The following MTAP variants were observed in gnomAD, a reference collection of about 807,000 sequenced individuals.
MTAP encodes the protein methylthioadenosine phosphorylase.
MTAP carries 33 observed loss-of-function variants against 33.6 expected under a neutral mutation model. That is an observed-to-expected ratio of 0.98 (90% confidence interval 0.74 to 1.31). MTAP has a LOEUF of 1.31. Among genes scored for constraint, MTAP ranks in the 40% most tolerant of loss-of-function variants. MTAP has a pLI of 0.00. For synonymous variants in MTAP, 148 were observed against 125.7 expected (o/e 1.18, Z -1.19); for missense variants, 367 against 360.0 (o/e 1.02, Z -0.16).
At position 21,911,187 on chromosome 9, in the gene MTAP, C is replaced by T. The variant is rs188737494; in HGVS notation, c.148-19821C>T. Among the ~76,000 whole-genome samples the T allele has an allele frequency of 8.3e-3, 1,261 of 152,212 alleles. 8 individuals carry two copies. The highest frequency in any genetic ancestry group is 0.014 in the Non-Finnish European group (978 of 68,020). On this transcript the variant is annotated intron_variant, in intron 1 of 1. Coordinates refer to the MTAP transcript ENST00000577563. ...ACTCCCACACAGTAATAATGGGAGA[C>T]TTTAACACCCCACTATCAACATTAG...
chr9:21,820,357 A>C (rs1415981731), intron 4 of MTAP, among the ~76,000 whole-genome samples: 1 of 152,218 alleles, frequency 6.6e-6, no homozygotes, highest in Non-Finnish European at 1.5e-5. Flanking sequence ...AGCTTTCTAC[A>C]CATGGCTAGC....
At chr9:21,894,997 A>G (rs1818265827) in intron 1 of MTAP, among the ~76,000 whole-genome samples, 1 of 152,214 alleles carries the variant, frequency 6.6e-6, no homozygotes. Flanking sequence ...CACAAGGAGA[A>G]TTACAAAACA....
chr9:21,803,298 T>G, intron 1 of MTAP: 1 of 216,462 alleles, frequency 4.6e-6, no homozygotes. Flanking sequence ...AACTGCTTAC[T>G]TGCTCTTTTG....
At chr9:21,870,245 T>G (rs1244919131), downstream of MTAP, among the ~76,000 whole-genome samples, 1 of 152,258 alleles carries the variant, frequency 6.6e-6, no homozygotes, top group Non-Finnish European at 1.5e-5. Flanking sequence ...CTTTTTTGTT[T>G]TTCCCATAGC....
intron 1 of MTAP, among the ~76,000 whole-genome samples, chr9:21,879,487 A>G (rs1394233212): frequency 6.6e-6 from 1 of 151,896 alleles, no homozygotes; most frequent in Non-Finnish European, 1.5e-5. Context: ...ATGCCACTGA[A>G]TCTTGTTTTT....
chr9:21,886,260 G>A (rs1818109515), intron 1 of MTAP, among the ~76,000 whole-genome samples: 1 of 151,720 alleles, frequency 6.6e-6, no homozygotes, highest in African/African-American at 2.4e-5. Flanking sequence ...CTTGTTTTCA[G>A]AATTTTCTAT....
At position 21,882,567 on chromosome 9, in the gene MTAP, A is replaced by T. The variant is rs182910642; in HGVS notation, c.147+27697A>T. ...GAGATTTCTATTTTTCTCTCTTACA[A>T]ATTGATGTGTCAGACAGAGAGCTTA... is the stretch of plus-strand genomic sequence containing the variant. On this transcript the variant is annotated intron_variant, in intron 1 of 1. Coordinates refer to the MTAP transcript ENST00000577563. Among the ~76,000 whole-genome samples the T allele has an allele frequency of 2.5e-3, 373 of 152,144 alleles. 2 individuals are homozygous for T. Among genetic ancestry groups the T allele is most frequent in the African/African-American group, 8.2e-3 (341 of 41,578 alleles).
In MTAP at chr9:21,863,857, AT is replaced by A; in HGVS notation, c.*1845del. On this transcript the variant is annotated 3_prime_UTR_variant, in exon 8 of 8. Transcript: ENST00000644715. ...GTAAACAAAACAGTTACCCTCCAGT[AT>A]TAATATGACTCATTAGTGTGAGCCA... 1.0e-6 allele frequency: 1 copy of A among 985,836 alleles called. No individual in the cohort carries two copies. Among genetic ancestry groups the A allele is most frequent in the Non-Finnish European group, 1.2e-6 (1 of 829,926 alleles). 61.1% of individuals were successfully genotyped at this position (985,836 alleles called of 1,614,324 possible).
chr9:21,837,965 G>C lies in MTAP; in HGVS notation c.405G>C (p.Val135=). 1 of 1,614,154 alleles carries C rather than the reference G, an allele frequency of 6.2e-7. No homozygotes were observed. The highest frequency in any genetic ancestry group is 8.5e-7 in the Non-Finnish European group (1 of 1,180,016). Residue 135 remains valine, a synonymous_variant, in exon 5 of 8, where the codon GTG becomes GTC. Coordinates refer to ENST00000644715, the MANE Select transcript of MTAP (RefSeq NM_002451.4). ...GAAGTCATTCTTGTGCCAGAGGAGT[G>C]TGCCATATTCCAATGGCTGAGCCGT... ...YDGSHSCARG[V]CHIPMAEPFC... is the part of the protein sequence containing the mutation.
At chr9:21,871,983 A>G (rs1292186800), downstream of MTAP, among the ~76,000 whole-genome samples, 2 of 152,194 alleles carry the variant, frequency 1.3e-5, no homozygotes, top group Non-Finnish European at 2.9e-5. Flanking sequence ...CAGTAAAACC[A>G]GTGAAAATTT....
intron 1 of MTAP, among the ~76,000 whole-genome samples, chr9:21,914,082 T>G (rs1818632628): frequency 6.6e-6 from 1 of 152,180 alleles, no homozygotes; most frequent in South Asian, 2.1e-4. Flanking sequence ...CACAATGAGA[T>G]ACCATCTCAC....
chr9:21,843,409 A>G (rs527482906), intron 5 of MTAP, among the ~76,000 whole-genome samples: 1 of 152,308 alleles, frequency 6.6e-6, no homozygotes, highest in African/African-American at 2.4e-5. Flanking sequence ...CCTAGAACAA[A>G]TGGACTTAAC....
intron 1 of MTAP, among the ~76,000 whole-genome samples, chr9:21,907,165 C>T (rs1435343973): frequency 1.3e-5 from 2 of 152,144 alleles, no homozygotes; most frequent in African/African-American, 2.4e-5. Context: ...TATGTGAACC[C>T]GGTGGTGGTC....
intron 1 of MTAP, among the ~76,000 whole-genome samples, chr9:21,806,138 C>G (rs1056087987): frequency 2.0e-5 from 3 of 152,016 alleles, no homozygotes; most frequent in Admixed American, 1.3e-4. Flanking sequence ...AATGATTACT[C>G]TGGCTGTTGT....
At position 21,914,309 on chromosome 9, in the gene MTAP, C is replaced by T. The variant is rs141892115; in HGVS notation, c.148-16699C>T. On this transcript the variant is annotated intron_variant, in intron 1 of 1. Coordinates refer to the MTAP transcript ENST00000577563. Reference sequence around the variant, plus strand: ...TATATCCAAAGGATTATAAATCATGCTGTTATACAGACACATGCACACATA... The same window carrying T: ...TATATCCAAAGGATTATAAATCATGTTGTTATACAGACACATGCACACATA... 8.5e-3 allele frequency among the ~76,000 whole-genome samples: 1,292 copies of T among 152,242 alleles called. 16 individuals carry two copies. The highest frequency in any genetic ancestry group is 0.03 in the African/African-American group (1,260 of 41,534).
At chr9:21,868,338 G>A (rs1348164811), downstream of MTAP, among the ~76,000 whole-genome samples, 1 of 152,160 alleles carries the variant, frequency 6.6e-6, no homozygotes, top group Non-Finnish European at 1.5e-5. Context: ...GCTTTCAGGA[G>A]GATGACTATC....
chr9:21,872,563 T>C (rs1031766249), intron 1 of MTAP, among the ~76,000 whole-genome samples: 1 of 152,208 alleles, frequency 6.6e-6, no homozygotes, highest in African/African-American at 2.4e-5. Flanking sequence ...ATACAAACCT[T>C]ACTCATTTTA....
chr9:21,915,822 G>A (rs1818678998), intron 1 of MTAP, among the ~76,000 whole-genome samples: 1 of 152,066 alleles, frequency 6.6e-6, no homozygotes, highest in South Asian at 2.1e-4. Context: ...TTGAGCCCAG[G>A]AGTCTGAGAC....
At chr9:21,882,873 A>G (rs1818037637) in intron 1 of MTAP, among the ~76,000 whole-genome samples, 1 of 152,054 alleles carries the variant, frequency 6.6e-6, no homozygotes, top group Non-Finnish European at 1.5e-5. Context: ...CATATATCAA[A>G]GAATAAAGTG....
Sources: allele counts gnomAD v4.1 joint callset (sites outside exome capture counted in the v4.1 genomes callset), GRCh38; gene constraint gnomAD v4.1.1; transcripts MANE v1.5; gene names NCBI Gene and HGNC (gene_info 2026-07-23, HGNC 2026-07-21).